Variants in MPRIP observed in about 807,000 individuals in gnomAD.
The protein encoded by MPRIP is myosin phosphatase Rho-interacting protein.
A neutral mutation model predicts 234.9 loss-of-function variants in MPRIP; 59 were observed. The observed-to-expected ratio is 0.25, with a 90% CI of 0.20 to 0.31. The LOEUF (loss-of-function observed/expected upper bound fraction) is 0.31, where lower values mean the gene tolerates loss of function less well. MPRIP is among the 10% of genes least tolerant of loss of function. MPRIP has a pLI of 1.00. For missense variants in MPRIP, 2,436 were observed against 3,071.0 expected (o/e 0.79, Z 4.89); for synonymous variants, 1,144 against 1,263.9 (o/e 0.91, Z 2.01).
At chr17:17,087,596 TC>T (rs1454324266) in intron 3 of MPRIP, among the ~76,000 whole-genome samples, 2 of 152,194 alleles carry the variant, frequency 1.3e-5, no homozygotes, top group Non-Finnish European at 2.9e-5. Flanking sequence ...ACGCGAGTCC[TC>T]CCTGTGTTCC....
chr17:17,142,734 G>A lies in MPRIP; in HGVS notation c.1358G>A (p.Arg453His), dbSNP rs766502184. ...CCATCCAGCGACACACGCCAGGGCC[G>A]CAGCGAGAAGAGGGCGTTCCCTAGG... is the stretch of plus-strand genomic sequence containing the variant. ...PSPSSDTRQG[R>H]SEKRAFPRKR... Residue 453 changes from arginine (R) to histidine (H), a missense_variant, in exon 8 of 24, where the codon CGC becomes CAC. This residue lies in a region of MPRIP where 267 missense variants were observed against 252.7 expected (regional missense o/e 1.06). Transcript: ENST00000651222. 1.5e-5 allele frequency: 24 copies of A among 1,612,626 alleles called. No individual in the cohort carries two copies. The highest frequency in any genetic ancestry group is 1.9e-5 in the Non-Finnish European group (23 of 1,179,960).
Position 17,131,748 on chromosome 17 carries a change from C to G in MPRIP, c.504+47C>G, listed in dbSNP as rs553571131. 1.9e-5 allele frequency: 30 copies of G among 1,567,238 alleles called. No homozygotes were observed. In the African/African-American group the frequency reaches 3.9e-4, roughly 20 times the overall value. ...TGGCATCCCCTCAGTGGAGCCAGGG[C>G]TTGGGAAGAAGTGAGGGCTCCCTGA... On this transcript the variant is annotated intron_variant, in intron 5 of 23. Coordinates refer to ENST00000651222, the MANE Select transcript of MPRIP (RefSeq NM_001364716.4).
At chr17:17,183,981 C>T (rs963483103) in intron 23 of MPRIP, among the ~76,000 whole-genome samples, 1 of 152,194 alleles carries the variant, frequency 6.6e-6, no homozygotes, top group African/African-American at 2.4e-5. Context: ...CGACACTTAG[C>T]GTGAAGAGGG....
At chr17:17,084,391 G>T (rs60128647) in intron 3 of MPRIP, among the ~76,000 whole-genome samples, 2 of 152,128 alleles carry the variant, frequency 1.3e-5, no homozygotes, top group South Asian at 2.1e-4. Flanking sequence ...ACAGAGATTC[G>T]GGAGGAGCCA....
intron 12 of MPRIP, among the ~76,000 whole-genome samples, 165 bp downstream of exon 12, chr17:17,150,398 G>C (rs2045574910): frequency 8.5e-5 from 13 of 152,192 alleles, no homozygotes; most frequent in Admixed American, 8.5e-4. Flanking sequence ...TGTGGCACCT[G>C]ACCCTATTCC....
Position 17,188,751 on chromosome 17 carries a change from G to C in MPRIP, c.*3857G>C, listed in dbSNP as rs2046526661. 6.6e-6 allele frequency: 1 copy of C among 152,294 alleles called. No homozygotes were observed. The highest frequency in any genetic ancestry group is 2.1e-4 in the South Asian group (1 of 4,834). 9.4% of individuals were successfully genotyped at this position (152,294 alleles called of 1,614,324 possible). A position where few individuals can be genotyped will look rare whatever the true frequency, so the allele number is the denominator to read the frequency against. ...ATCACTCCTGCCTGGCTGTCTCCTG[G>C]GAGGCTGCCGGGTGCCACGGAGCTG... is the stretch of plus-strand genomic sequence containing the variant. On this transcript the variant is annotated 3_prime_UTR_variant, in exon 24 of 24. Coordinates refer to ENST00000651222, the MANE Select transcript of MPRIP (RefSeq NM_001364716.4).
At chr17:17,146,381 C>T (rs988549367) in intron 10 of MPRIP, among the ~76,000 whole-genome samples, 3 of 152,234 alleles carry the variant, frequency 2.0e-5, no homozygotes, top group Non-Finnish European at 2.9e-5. Context: ...ACACTAGCCC[C>T]CACCTGGTGA....
intron 7 of MPRIP, among the ~76,000 whole-genome samples, chr17:17,141,129 T>G (rs2090807244): frequency 1.3e-5 from 2 of 152,222 alleles, no homozygotes; most frequent in African/African-American, 4.8e-5. Context: ...GGCATGCGAT[T>G]TGCATGAGGT....
chr17:17,144,624 G>A (rs771283879), intron 9 of MPRIP, among the ~76,000 whole-genome samples: 2 of 152,166 alleles, frequency 1.3e-5, no homozygotes, highest in Admixed American at 6.5e-5. Flanking sequence ...TTGGGAGGCC[G>A]AGGTGGGCAG....
At chr17:17,079,690 C>T (rs2089418379) in intron 3 of MPRIP, among the ~76,000 whole-genome samples, 1 of 152,224 alleles carries the variant, frequency 6.6e-6, no homozygotes, top group Non-Finnish European at 1.5e-5. Context: ...AAACAAAGTT[C>T]CCTGCACTGT....
chr17:17,176,358 C>T (rs759461047), intron 20 of MPRIP, 68 bp from the exon 21 acceptor site: 1 of 1,236,078 alleles, frequency 8.1e-7, no homozygotes, highest in Non-Finnish European at 1.2e-6. Flanking sequence ...CACGCTTCAG[C>T]CTGCTGTGGA....
chr17:17,149,056 G>A (rs1049463452), intron 11 of MPRIP, among the ~76,000 whole-genome samples: 1 of 152,182 alleles, frequency 6.6e-6, no homozygotes, highest in Non-Finnish European at 1.5e-5. Flanking sequence ...AGTACCTAAT[G>A]TTACAAAAGC....
intron 1 of MPRIP, among the ~76,000 whole-genome samples, chr17:17,066,030 C>G (rs1465389138): frequency 6.6e-6 from 1 of 152,108 alleles, no homozygotes; most frequent in Admixed American, 6.5e-5. Context: ...CTCACTAGTT[C>G]TAGGAGTTTT....
chr17:17,045,309 G>A (rs941990831), intron 1 of MPRIP, among the ~76,000 whole-genome samples: 1 of 152,180 alleles, frequency 6.6e-6, no homozygotes, highest in Non-Finnish European at 1.5e-5. Flanking sequence ...CTTTTGGTTT[G>A]AGGTTTATTT....
At chr17:17,075,961 T>G in intron 2 of MPRIP, 174 bp downstream of exon 2, 1 of 614,960 alleles carries the variant, frequency 1.6e-6, no homozygotes, top group South Asian at 2.0e-5. Context: ...AGGTCTCAAT[T>G]ATACATAGTT....
At chr17:17,067,051 C>A (rs2089053482) in intron 1 of MPRIP, among the ~76,000 whole-genome samples, 1 of 152,024 alleles carries the variant, frequency 6.6e-6, no homozygotes, top group Admixed American at 6.6e-5. Context: ...GCCACCACAC[C>A]CAGCCATAAA....
chr17:17,181,158 A>G (rs1264396557), intron 23 of MPRIP, among the ~76,000 whole-genome samples: 1 of 152,190 alleles, frequency 6.6e-6, no homozygotes, highest in Non-Finnish European at 1.5e-5. Context: ...GAAGAGCGTG[A>G]TAACTACAAG....
chr17:17,056,022 G>T (rs1034596746), intron 1 of MPRIP, among the ~76,000 whole-genome samples: 1 of 152,216 alleles, frequency 6.6e-6, no homozygotes, highest in Non-Finnish European at 1.5e-5. Flanking sequence ...GGGACTCCAG[G>T]CCTTCCCTGT....
chr17:17,132,254 G>A (rs1191188725), intron 5 of MPRIP, among the ~76,000 whole-genome samples: 1 of 152,198 alleles, frequency 6.6e-6, no homozygotes, highest in Non-Finnish European at 1.5e-5. Context: ...GCAAGGCTTA[G>A]GGCATAGAAG....
Sources: allele counts gnomAD v4.1 joint callset (sites outside exome capture counted in the v4.1 genomes callset), GRCh38; gene constraint gnomAD v4.1.1; regional missense constraint gnomAD v4.1.1; transcripts MANE v1.5; gene names NCBI Gene and HGNC (gene_info 2026-07-23, HGNC 2026-07-21).